SORCS1: variants seen among roughly 807,000 people sequenced by gnomAD.
SORCS1 encodes the protein VPS10 domain-containing receptor SorCS1.
Under a neutral mutation model 146.1 loss-of-function variants are expected in SORCS1, and 60 were observed. The ratio of observed to expected loss-of-function variants is 0.41; its 90% CI spans 0.33 to 0.51. The LOEUF is 0.51. Among genes scored for constraint, SORCS1 ranks in the 20% least tolerant of loss-of-function variants. The probability of loss-of-function intolerance (pLI) is 0.21; values close to 1 mark genes in which losing one functional copy is unlikely to be tolerated. For missense variants in SORCS1, 1,352 were observed against 1,487.6 expected (o/e 0.91, Z 1.50); for synonymous variants, 637 against 584.0 (o/e 1.09, Z -1.31).
At chr10:106,890,241 A>G in intron 2 of SORCS1, among the ~76,000 whole-genome samples, 1 of 152,134 alleles carries the variant, frequency 6.6e-6, no homozygotes, top group East Asian at 1.9e-4. Context: ...GGGAACTCTG[A>G]CATTTCAGGT....
Position 106,619,458 on chromosome 10 carries a change from C to T in SORCS1, c.2796+970G>A, listed in dbSNP as rs375740052. 3.1e-3 allele frequency among the ~76,000 whole-genome samples: 465 copies of T among 152,210 alleles called. 3 individuals carry two copies. The highest frequency in any genetic ancestry group is 0.011 in the African/African-American group (446 of 41,528). On this transcript the variant is annotated intron_variant, in intron 20 of 25. Coordinates refer to ENST00000263054, the MANE Select transcript of SORCS1 (RefSeq NM_052918.5). ...ATGTTTTTATTAAAATAAGAGACAT[C>T]GTATTTGAAGAGCAAAGTCACCAAG...
At chr10:106,736,602 T>TTAAAAAAAAAAAAAAAAA (rs1433395056) in intron 5 of SORCS1, among the ~76,000 whole-genome samples, 28 of 38,746 alleles carry the variant, frequency 7.2e-4, no homozygotes, top group African/African-American at 1.9e-3. Flanking sequence ...TAACCCTGGT[T>TTAAAAAAAAAAAAAAAAA]AAAAAAAAAA....
At chr10:107,159,102 T>C (rs1383638215) in intron 1 of SORCS1, among the ~76,000 whole-genome samples, 2 of 152,192 alleles carry the variant, frequency 1.3e-5, no homozygotes, top group Non-Finnish European at 2.9e-5. Context: ...TGCAAACCCA[T>C]GTGCACAGAT....
chr10:106,587,931 C>A (rs1284664539), intron 24 of SORCS1, among the ~76,000 whole-genome samples: 1 of 152,050 alleles, frequency 6.6e-6, no homozygotes, highest in Admixed American at 6.6e-5. Flanking sequence ...TTATAATGTG[C>A]GTTTATCCAG....
chr10:106,659,066 G>A (rs1189575439), intron 17 of SORCS1, among the ~76,000 whole-genome samples: 3 of 152,148 alleles, frequency 2.0e-5, no homozygotes, highest in Non-Finnish European at 4.4e-5. Flanking sequence ...GAGTGACAAT[G>A]TGTCCACATA....
chr10:106,856,082 C>G (rs1009588954), intron 2 of SORCS1, among the ~76,000 whole-genome samples: 18 of 151,024 alleles, frequency 1.2e-4, no homozygotes, highest in African/African-American at 3.9e-4. Context: ...TCTGGAGTGC[C>G]GTGGTGCAAT....
chr10:106,832,665 C>A lies in SORCS1; in HGVS notation c.627-2992G>T, dbSNP rs141767264. On this transcript the variant is annotated intron_variant, in intron 2 of 25. Coordinates refer to ENST00000263054, the MANE Select transcript of SORCS1 (RefSeq NM_052918.5). ...ACTCACAAGTTCCAGAACAAAAAAA[C>A]CAGATGCAAAATCTACCTGGGGGCG... Among the ~76,000 whole-genome samples the A allele has an allele frequency of 6.5e-3, 991 of 152,102 alleles. 11 individuals are homozygous for A. The highest frequency in any genetic ancestry group is 0.022 in the African/African-American group (912 of 41,470).
At chr10:106,724,457 T>C (rs554349157) in intron 6 of SORCS1, among the ~76,000 whole-genome samples, 41 of 151,104 alleles carry the variant, frequency 2.7e-4, no homozygotes, top group African/African-American at 1.0e-3. Flanking sequence ...AAACTGAGAT[T>C]GCACCATTGC....
intron 17 of SORCS1, among the ~76,000 whole-genome samples, chr10:106,664,936 T>A (rs951555403): frequency 6.6e-6 from 1 of 152,224 alleles, no homozygotes; most frequent in Admixed American, 6.5e-5. Flanking sequence ...TCCTTCCCCA[T>A]TAAGTTTAGT....
At chr10:106,883,780 A>G (rs896516772) in intron 2 of SORCS1, among the ~76,000 whole-genome samples, 1 of 152,148 alleles carries the variant, frequency 6.6e-6, no homozygotes, top group African/African-American at 2.4e-5. Flanking sequence ...CTTTGACTTA[A>G]GCTTCTCTGA....
At chr10:107,083,325 G>A (rs1208275651) in intron 1 of SORCS1, among the ~76,000 whole-genome samples, 1 of 151,942 alleles carries the variant, frequency 6.6e-6, no homozygotes, top group East Asian at 1.9e-4. Context: ...AAATCATTGT[G>A]GACTGTCAAT....
chr10:106,810,570 G>A (rs906794269), intron 3 of SORCS1, among the ~76,000 whole-genome samples: 3 of 152,130 alleles, frequency 2.0e-5, no homozygotes, highest in African/African-American at 7.2e-5. Flanking sequence ...ATTCCAAGAA[G>A]CTCCCCTCCC....
chr10:107,160,049 G>A (rs1241707207), intron 1 of SORCS1, among the ~76,000 whole-genome samples: 2 of 152,178 alleles, frequency 1.3e-5, no homozygotes, highest in Non-Finnish European at 2.9e-5. Flanking sequence ...AGAGGTGGGT[G>A]GATGAGAGAA....
At chr10:106,820,092 A>G (rs1352987087) in intron 3 of SORCS1, among the ~76,000 whole-genome samples, 1 of 151,848 alleles carries the variant, frequency 6.6e-6, no homozygotes, top group Non-Finnish European at 1.5e-5. Context: ...TTCTTTTTAC[A>G]TATCTTTTGT....
intron 1 of SORCS1, among the ~76,000 whole-genome samples, chr10:106,994,976 G>T (rs192072647): frequency 6.6e-6 from 1 of 152,038 alleles, no homozygotes; most frequent in Non-Finnish European, 1.5e-5. Context: ...ACTGAACGTC[G>T]GAAAATAAAA....
intron 2 of SORCS1, among the ~76,000 whole-genome samples, chr10:106,916,322 A>T (rs1367105263): frequency 6.6e-6 from 1 of 152,112 alleles, no homozygotes; most frequent in Non-Finnish European, 1.5e-5. Context: ...TGAATGAATG[A>T]AGTGGAAAGT....
intron 10 of SORCS1, among the ~76,000 whole-genome samples, chr10:106,685,880 A>T (rs1424899511): frequency 6.6e-6 from 1 of 152,242 alleles, no homozygotes; most frequent in East Asian, 1.9e-4. Context: ...ACACAATTTT[A>T]AAAAACAGCA....
intron 2 of SORCS1, among the ~76,000 whole-genome samples, chr10:106,851,868 A>G (rs747745475): frequency 1.2e-4 from 19 of 152,152 alleles, no homozygotes; most frequent in Non-Finnish European, 2.6e-4. Context: ...GTTTTTTAAC[A>G]TCCTTTATCA....
At chr10:107,020,596 T>C (rs1958085704) in intron 1 of SORCS1, among the ~76,000 whole-genome samples, 1 of 152,186 alleles carries the variant, frequency 6.6e-6, no homozygotes, top group Admixed American at 6.5e-5. Flanking sequence ...GGGAATTCTG[T>C]TTGGTGATTT....
Sources: gnomAD v4.1 joint callset for allele counts (sites outside exome capture counted in the v4.1 genomes callset) on GRCh38, gnomAD v4.1.1 for gene constraint, MANE v1.5 for transcripts, NCBI Gene and HGNC (gene_info 2026-07-23, HGNC 2026-07-21) for gene names.